F2RL2: variants seen among roughly 807,000 people sequenced by gnomAD.
The protein encoded by F2RL2 is proteinase-activated receptor 3.
A neutral mutation model predicts 4.3 loss-of-function variants in F2RL2; 4 were observed. The ratio of observed to expected loss-of-function variants is 0.93; its 90% CI spans 0.46 to 2.12. The LOEUF is 2.12. Among genes scored for constraint, F2RL2 ranks in the 30% most tolerant of loss-of-function variants. F2RL2 has a pLI of 0.02. For missense variants in F2RL2, 408 were observed against 449.3 expected (o/e 0.91, Z 0.83); for synonymous variants, 166 against 170.9 (o/e 0.97, Z 0.22).
Position 76,618,425 on chromosome 5 carries a change from AG to A in F2RL2, c.281del (p.Thr94IlefsTer3). 6.2e-7 allele frequency: 1 copy of A among 1,614,222 alleles called. No homozygotes were observed. The highest frequency in any genetic ancestry group is 1.3e-5 in the African/African-American group (1 of 75,062). The stretch of plus-strand genomic sequence containing the variant: ...GGAGGTAGATGGCAGGTATCAGTTT[AG>A]TACTTAAGGAGCTGGTCAGGTACCC... ...TMGYLTSSLS[T>X]KLIPAIYLLV... On this transcript the variant is annotated frameshift_variant, in exon 2 of 2. Coordinates refer to ENST00000296641, the MANE Select transcript of F2RL2 (RefSeq NM_004101.4). LOFTEE classifies it low-confidence loss of function (END_TRUNC).
rs1343573955 is a variant in F2RL2, at chr5:76,617,515, T to C, written c.*67A>G. The stretch of plus-strand genomic sequence containing the variant: ...CTCGGAAATGGAGCTCCTTGCACTA[T>C]GCTTATGTTGTTCTTGAAAACAGAC... On this transcript the variant is annotated 3_prime_UTR_variant, in exon 2 of 2. Transcript: ENST00000296641. 23 of 1,248,854 alleles carry C rather than the reference T, an allele frequency of 1.8e-5. No individual in the cohort carries two copies. The allele number at this position is 1,248,854 out of a possible 1,614,324, so 77.4% of individuals were successfully genotyped here. A position where few individuals can be genotyped will look rare whatever the true frequency, so the allele number is the denominator to read the frequency against.
chr5:76,621,973 C>T (rs1749724668), intron 1 of F2RL2, among the ~76,000 whole-genome samples: 1 of 152,114 alleles, frequency 6.6e-6, no homozygotes, highest in African/African-American at 2.4e-5. Flanking sequence ...AGTAAAGCCC[C>T]TTCCTCATCC....
chr5:76,618,534 C>G lies in F2RL2; in HGVS notation c.173G>C (p.Gly58Ala), dbSNP rs746928505. 4 of 1,614,136 alleles carry G rather than the reference C, an allele frequency of 2.5e-6. No individual in the cohort carries two copies. The highest frequency in any genetic ancestry group is 3.4e-6 in the Non-Finnish European group (4 of 1,180,028). The change falls in exon 2 of 2, where the codon GGC becomes GCC. Residue 58 changes from glycine to alanine, a missense_variant. Coordinates refer to ENST00000296641, the MANE Select transcript of F2RL2 (RefSeq NM_004101.4). ...FEEFPFSALE[G>A]WTGATITVKI... ...TACAGTAATCGTGGCTCCTGTCCAG[C>G]CTTCCAAGGCAGAAAAGGGGAACTC...
In F2RL2 at chr5:76,618,211, A is replaced by G; in HGVS notation, c.496T>C (p.Cys166Arg). 6.2e-7 allele frequency: 1 copy of G among 1,614,208 alleles called. No individual in the cohort carries two copies. The highest frequency in any genetic ancestry group is 1.1e-5 in the South Asian group (1 of 91,088). Residue 166 changes from cysteine (C) to arginine (R), a missense_variant, in exon 2 of 2, where the codon TGC becomes CGC. Transcript: ENST00000296641. ...TAGAAGATGACTGTGGTGGCCCGGC[A>G]CAGGACCTCTCCAAATACCCAGTTG... ...GNNWVFGEVL[C>R]RATTVIFYGN... is the part of the protein sequence containing the mutation.
Position 76,621,233 on chromosome 5 carries a change from G to A in F2RL2, c.64+1934C>T, listed in dbSNP as rs140884155. Among the ~76,000 whole-genome samples the A allele has an allele frequency of 5.5e-4, 83 of 152,268 alleles. No individual in the cohort carries two copies. In the East Asian group the frequency reaches 0.015, roughly 28 times the overall value. On this transcript the variant is annotated intron_variant, in intron 1 of 1. Coordinates refer to ENST00000296641, the MANE Select transcript of F2RL2 (RefSeq NM_004101.4). ...CCCGGGTGAAATGGAAACCCTCCACGTAAACCTGAGATTGCACAAGCTGAA... is the reference window on the plus strand; with the variant it reads ...CCCGGGTGAAATGGAAACCCTCCACATAAACCTGAGATTGCACAAGCTGAA...
At position 76,623,351 on chromosome 5, in the gene F2RL2, G is replaced by A. The variant is rs111763759; in HGVS notation, c.-121C>T. The A allele has an allele frequency of 2.1e-4, 242 of 1,173,804 alleles. 1 individual carries two copies. In the African/African-American group the frequency reaches 3.1e-3, roughly 15 times the overall value. 72.7% of individuals were successfully genotyped at this position (1,173,804 alleles called of 1,614,324 possible). ...AGCCTTGGTCTGTCTGTAGAAGTTT[G>A]CTCTCCTGTGCCGTGCAGGCAGGAA... On this transcript the variant is annotated 5_prime_UTR_variant, in exon 1 of 2. Coordinates refer to ENST00000296641, the MANE Select transcript of F2RL2 (RefSeq NM_004101.4).
At chr5:76,618,733 G>A in intron 1 of F2RL2, 91 bp from the exon 2 acceptor site, 2 of 1,124,178 alleles carry the variant, frequency 1.8e-6, no homozygotes, top group South Asian at 3.2e-5. Context: ...TGTGATTGTA[G>A]AATTTAAGAT....
Position 76,618,411 on chromosome 5 carries a change from G to A in F2RL2, c.296C>T (p.Ala99Val). The A allele has an allele frequency of 6.2e-7, 1 of 1,614,244 alleles. No homozygotes were observed. The highest frequency in any genetic ancestry group is 8.5e-7 in the Non-Finnish European group (1 of 1,180,040). The stretch of plus-strand genomic sequence containing the variant: ...AACTACAAACACCAGGAGGTAGATG[G>A]CAGGTATCAGTTTAGTACTTAAGGA... The part of the protein sequence containing the change: ...TSSLSTKLIP[A>V]IYLLVFVVGV... The change falls in exon 2 of 2, where the codon GCC (alanine) becomes GTC (valine). Residue 99 changes from alanine to valine, a missense_variant. Coordinates refer to ENST00000296641, the MANE Select transcript of F2RL2 (RefSeq NM_004101.4).
Position 76,617,514 on chromosome 5 carries a change from A to G in F2RL2, c.*68T>C, listed in dbSNP as rs1034676876. ...GCTCGGAAATGGAGCTCCTTGCACT[A>G]TGCTTATGTTGTTCTTGAAAACAGA... On this transcript the variant is annotated 3_prime_UTR_variant, in exon 2 of 2. Transcript: ENST00000296641. 37 of 1,230,326 alleles carry G rather than the reference A, an allele frequency of 3.0e-5. No individual in the cohort carries two copies. The highest frequency in any genetic ancestry group is 4.2e-5 in the Non-Finnish European group (37 of 870,776). 76.2% of individuals were successfully genotyped at this position (1,230,326 alleles called of 1,614,324 possible). A position where few individuals can be genotyped will look rare whatever the true frequency, so the allele number is the denominator to read the frequency against.
rs182754102 is a variant in F2RL2 at position 76,615,629 on chromosome 5, C to G, written c.*1953G>C. On this transcript the variant is annotated 3_prime_UTR_variant, in exon 2 of 2. Transcript: ENST00000296641. ...TTTATATTCACTACTATCATTCACT[C>G]TTTACCACTAATATCTTCCCTGCTG... The G allele has an allele frequency of 1.3e-5, 2 of 152,302 alleles. No homozygotes were observed. The highest frequency in any genetic ancestry group is 2.9e-5 in the Non-Finnish European group (2 of 68,036). The allele number at this position is 152,302 out of a possible 1,614,324, so 9.4% of individuals were successfully genotyped here.
At chr5:76,621,179 C>T (rs1239943785) in intron 1 of F2RL2, among the ~76,000 whole-genome samples, 2 of 152,164 alleles carry the variant, frequency 1.3e-5, no homozygotes. Context: ...GCCAGTTTCT[C>T]TTCCTGCTTT....
intron 1 of F2RL2, among the ~76,000 whole-genome samples, chr5:76,620,519 G>A (rs1415202166): frequency 6.6e-6 from 1 of 152,194 alleles, no homozygotes; most frequent in Non-Finnish European, 1.5e-5. Context: ...TCTGTTTTTA[G>A]TCTGACTGAG....
At chr5:76,619,798 G>T (rs548043790) in intron 1 of F2RL2, among the ~76,000 whole-genome samples, 5 of 152,132 alleles carry the variant, frequency 3.3e-5, no homozygotes, top group Non-Finnish European at 7.4e-5. Flanking sequence ...GATTACAGGC[G>T]TGAGCCACCG....
rs1749210382 is a variant in F2RL2, at chr5:76,618,268, G to A, written c.439C>T (p.Pro147Ser). 1.2e-6 allele frequency: 2 copies of A among 1,614,158 alleles called. No homozygotes were observed. The highest frequency in any genetic ancestry group is 1.7e-6 in the Non-Finnish European group (2 of 1,180,030). Residue 147 changes from proline (P) to serine (S), a missense_variant, in exon 2 of 2, where the codon CCC (proline) becomes TCC (serine). Coordinates refer to ENST00000296641, the MANE Select transcript of F2RL2 (RefSeq NM_004101.4). ...TTGAGATGATAAGCTATCTTAAAGGGCAATGTAACACAAAAAAGAAAATCT... is the reference window on the plus strand; with the variant it reads ...TTGAGATGATAAGCTATCTTAAAGGACAATGTAACACAAAAAAGAAAATCT... ...IADFLFCVTL[P>S]FKIAYHLNGN...
At chr5:76,621,763 A>G (rs986674339) in intron 1 of F2RL2, among the ~76,000 whole-genome samples, 8 of 152,102 alleles carry the variant, frequency 5.3e-5, no homozygotes, top group African/African-American at 1.9e-4. Context: ...TTCCTTATGA[A>G]TTGTACTCAT....
At chr5:76,619,747 T>C (rs1021518151) in intron 1 of F2RL2, among the ~76,000 whole-genome samples, 2 of 152,106 alleles carry the variant, frequency 1.3e-5, no homozygotes, top group African/African-American at 2.4e-5. Flanking sequence ...CTCGATCTCC[T>C]GACCTCGTGA....
rs748180614 is a variant in F2RL2 at position 76,618,521 on chromosome 5, G to A, written c.186C>T (p.Ala62=). The A allele has an allele frequency of 1.2e-6, 2 of 1,614,046 alleles. No individual in the cohort carries two copies. The highest frequency in any genetic ancestry group is 2.7e-5 in the African/African-American group (2 of 74,902). The change falls in exon 2 of 2, where the codon GCC becomes GCT. Residue 62 remains alanine, a synonymous_variant. Transcript: ENST00000296641. ...GGCACTTAATTTTTACAGTAATCGTGGCTCCTGTCCAGCCTTCCAAGGCAG... is the reference window on the plus strand; with the variant it reads ...GGCACTTAATTTTTACAGTAATCGTAGCTCCTGTCCAGCCTTCCAAGGCAG... ...PFSALEGWTG[A]TITVKIKCPE...
At chr5:76,623,131 C>G (rs370122521) in intron 1 of F2RL2, 36 bp downstream of exon 1, 5 of 1,603,444 alleles carry the variant, frequency 3.1e-6, no homozygotes, top group African/African-American at 2.7e-5. Context: ...AACAGAAACC[C>G]ACATCCCCAT....
rs1748908832 is a variant in F2RL2, at chr5:76,615,834, A to C, written c.*1748T>G. On this transcript the variant is annotated 3_prime_UTR_variant, in exon 2 of 2. Transcript: ENST00000296641. Reference sequence around the variant, plus strand: ...AAAAATAGTGGAGGCATTATTTAAAACTTCTAAATGGCCTGGTGAGTATAG... The same window carrying C: ...AAAAATAGTGGAGGCATTATTTAAACCTTCTAAATGGCCTGGTGAGTATAG... 1 of 152,574 alleles carries C rather than the reference A, an allele frequency of 6.6e-6. No individual in the cohort carries two copies. Among genetic ancestry groups the C allele is most frequent in the African/African-American group, 2.4e-5 (1 of 41,422 alleles). The allele number at this position is 152,574 out of a possible 1,614,324, so 9.5% of individuals were successfully genotyped here. A position where few individuals can be genotyped will look rare whatever the true frequency, so the allele number is the denominator to read the frequency against.
Sources: gnomAD v4.1 joint callset for allele counts (sites outside exome capture counted in the v4.1 genomes callset) on GRCh38, gnomAD v4.1.1 for gene constraint, MANE v1.5 for transcripts, NCBI Gene and HGNC (gene_info 2026-07-23, HGNC 2026-07-21) for gene names.